Variants in PSMG4 observed in about 807,000 individuals in gnomAD.
PSMG4 encodes proteasome (prosome, macropain) assembly chaperone 4.
PSMG4 carries 10 observed loss-of-function variants against 11.0 expected under a neutral mutation model. That is an observed-to-expected ratio of 0.91 (90% CI 0.56 to 1.54). The LOEUF (loss-of-function observed/expected upper bound fraction) is 1.54. Ranked by LOEUF, PSMG4 falls within the 40% of genes most tolerant of loss-of-function variation. The probability of loss-of-function intolerance (pLI) is 0.00; values close to 1 mark genes in which losing one functional copy is unlikely to be tolerated. For synonymous variants in PSMG4, 95 were observed against 71.3 expected (o/e 1.33, Z -1.68); for missense variants, 198 against 160.9 (o/e 1.23, Z -1.25).
chr6:3,255,436 C>T (rs375900379), upstream of PSMG4, among the ~76,000 whole-genome samples: 2 of 130,920 alleles, frequency 1.5e-5, no homozygotes, highest in Admixed American at 1.7e-4. Context: ...CAGCCACATG[C>T]CCCTTCTCAG....
chr6:3,264,487 G>A, intron 2 of PSMG4: 1 of 1,317,628 alleles, frequency 7.6e-7, no homozygotes, highest in Non-Finnish European at 1.0e-6. Flanking sequence ...TACCTGACAA[G>A]CAGGAACCTC....
intron 2 of PSMG4, chr6:3,264,543 T>A: frequency 1.2e-6 from 1 of 814,050 alleles, no homozygotes; most frequent in African/African-American, 1.7e-5. Flanking sequence ...GCATGGCACC[T>A]GGCCCAGGGG....
chr6:3,257,300 C>T (rs1387918910), upstream of PSMG4, among the ~76,000 whole-genome samples: 1 of 152,068 alleles, frequency 6.6e-6, no homozygotes, highest in Non-Finnish European at 1.5e-5. Flanking sequence ...TGGCTGTGAC[C>T]CTCTGCCTGT....
chr6:3,261,752 G>A (rs147097649), intron 1 of PSMG4, among the ~76,000 whole-genome samples: 62 of 152,172 alleles, frequency 4.1e-4, no homozygotes, highest in Admixed American at 8.5e-4. Context: ...CCCGTGGGGC[G>A]GCCCTCCATC....
At chr6:3,255,159 T>A (rs184642645), upstream of PSMG4, 1 of 1,550,936 alleles carries the variant, frequency 6.4e-7, no homozygotes, top group Non-Finnish European at 8.7e-7. Flanking sequence ...AGCAGGGCCA[T>A]ACTGACGGCT....
At chr6:3,261,901 C>A (rs1298217063) in intron 1 of PSMG4, among the ~76,000 whole-genome samples, 1 of 152,204 alleles carries the variant, frequency 6.6e-6, no homozygotes, top group Non-Finnish European at 1.5e-5. Context: ...GAACTAGTTA[C>A]TATCTGGTCC....
chr6:3,256,742 G>C (rs1199084926), upstream of PSMG4, among the ~76,000 whole-genome samples: 1 of 152,256 alleles, frequency 6.6e-6, no homozygotes, highest in Non-Finnish European at 1.5e-5. Context: ...TGGCCCATCA[G>C]AGTTGTGAGT....
At position 3,259,130 on chromosome 6, in the gene PSMG4, G is replaced by T. The variant is rs1413331327; in HGVS notation, c.108G>T (p.Ser36=). The T allele has an allele frequency of 7.7e-7, 1 of 1,292,342 alleles. No individual in the cohort carries two copies. The highest frequency in any genetic ancestry group is 9.8e-7 in the Non-Finnish European group (1 of 1,019,124). The allele number at this position is 1,292,342 out of a possible 1,614,324, so 80.1% of individuals were successfully genotyped here. A position where few individuals can be genotyped will look rare whatever the true frequency, so the allele number is the denominator to read the frequency against. The change falls in exon 1 of 3, where the codon TCG becomes TCT. Residue 36 remains serine (S), a synonymous_variant. Coordinates refer to ENST00000438998, the MANE Select transcript of PSMG4 (RefSeq NM_001128591.2). ...TCCACGTCATGCGGCTGACGGACTCGCTGTTCCTGTGGGTGGGGGCCACGC... is the reference window on the plus strand; with the variant it reads ...TCCACGTCATGCGGCTGACGGACTCTCTGTTCCTGTGGGTGGGGGCCACGC... ...VHFHVMRLTD[S]LFLWVGATPH...
Position 3,258,986 on chromosome 6 carries a change from C to G in PSMG4, c.-37C>G, listed in dbSNP as rs905831483. Reference sequence around the variant, plus strand: ...GGCGGGGCTGGCAGCGGCGAGGACCCGGGTCTGGCGCTGTGGGCCGGGAGC... The same window carrying G: ...GGCGGGGCTGGCAGCGGCGAGGACCGGGGTCTGGCGCTGTGGGCCGGGAGC... On this transcript the variant is annotated 5_prime_UTR_variant, in exon 1 of 3. Transcript: ENST00000438998. 8 of 1,238,046 alleles carry G rather than the reference C, an allele frequency of 6.5e-6. No homozygotes were observed. The Admixed American group carries it at 2.1e-4, about 33-fold the overall frequency. The allele number at this position is 1,238,046 out of a possible 1,614,324, so 76.7% of individuals were successfully genotyped here.
In PSMG4 at chr6:3,267,632, C is replaced by G. The variant is rs1258864242; in HGVS notation, c.292C>G (p.Gln98Glu). Reference sequence around the variant, plus strand: ...ACAGGTGTTTGTCAGCTATAACCTTCAGAACACAGACAGTAACTTCGCATT... The same window carrying G: ...ACAGGTGTTTGTCAGCTATAACCTTGAGAACACAGACAGTAACTTCGCATT... Reference protein sequence around the residue: ...NKQVFVSYNLQNTDSNFALLV... With the variant: ...NKQVFVSYNLENTDSNFALLV... Residue 98 changes from glutamine to glutamate, a missense_variant, in exon 3 of 3, where the codon CAG becomes GAG. By Grantham distance (29) the Gln-to-Glu change is conservative (BLOSUM62 2). Coordinates refer to ENST00000438998, the MANE Select transcript of PSMG4 (RefSeq NM_001128591.2). 6.4e-7 allele frequency: 1 copy of G among 1,551,896 alleles called. No homozygotes were observed. Among genetic ancestry groups the G allele is most frequent in the Admixed American group, 2.0e-5 (1 of 50,982 alleles).
intron 1 of PSMG4, among the ~76,000 whole-genome samples, chr6:3,260,137 C>T (rs981902896): frequency 6.6e-6 from 1 of 151,730 alleles, no homozygotes; most frequent in Non-Finnish European, 1.5e-5. Context: ...GGGGGTCTCA[C>T]TATTTTGCCC....
rs893206420 is a variant in PSMG4 at position 3,259,179 on chromosome 6, G to A, written c.157G>A (p.Ala53Thr). The A allele has an allele frequency of 7.6e-7, 1 of 1,309,268 alleles. No homozygotes were observed. The highest frequency in any genetic ancestry group is 9.7e-7 in the Non-Finnish European group (1 of 1,030,352). The allele number at this position is 1,309,268 out of a possible 1,614,324, so 81.1% of individuals were successfully genotyped here. A position where few individuals can be genotyped will look rare whatever the true frequency, so the allele number is the denominator to read the frequency against. ...GCCGCACCTGCGCAACCTCGCCGTGGCCATGTGCAGCCGCTACGTGAGTGC... is the reference window on the plus strand; with the variant it reads ...GCCGCACCTGCGCAACCTCGCCGTGACCATGTGCAGCCGCTACGTGAGTGC... Reference protein sequence around the residue: ...ATPHLRNLAVAMCSRYDSIPV... With the variant: ...ATPHLRNLAVTMCSRYDSIPV... The change falls in exon 1 of 3, where the codon GCC (alanine) becomes ACC (threonine). Residue 53 changes from alanine (A) to threonine (T), a missense_variant. Transcript: ENST00000438998.
chr6:3,254,499 G>T (rs1384343247), upstream of PSMG4, among the ~76,000 whole-genome samples: 8 of 151,792 alleles, frequency 5.3e-5, no homozygotes, highest in Admixed American at 1.3e-4. Flanking sequence ...GTGGTTTTTT[G>T]TGTATGTGTT....
In PSMG4 at chr6:3,267,971, A is replaced by T; in HGVS notation, c.*259A>T. 1 of 337,174 alleles carries T rather than the reference A, an allele frequency of 3.0e-6. No homozygotes were observed. The highest frequency in any genetic ancestry group is 5.6e-6 in the Non-Finnish European group (1 of 179,486). 20.9% of individuals were successfully genotyped at this position (337,174 alleles called of 1,614,324 possible). On this transcript the variant is annotated 3_prime_UTR_variant, in exon 3 of 3. Transcript: ENST00000438998. ...GAAATGGGATTTTTGTTGGGATTGA[A>T]GACTGTAATCTAAGAGTTTCAATCA...
chr6:3,267,838 C>A lies in PSMG4; in HGVS notation c.*126C>A. 1 of 1,011,574 alleles carries A rather than the reference C, an allele frequency of 9.9e-7. No individual in the cohort carries two copies. Among genetic ancestry groups the A allele is most frequent in the Non-Finnish European group, 1.4e-6 (1 of 702,548 alleles). The allele number at this position is 1,011,574 out of a possible 1,614,324, so 62.7% of individuals were successfully genotyped here. A position where few individuals can be genotyped will look rare whatever the true frequency, so the allele number is the denominator to read the frequency against. On this transcript the variant is annotated 3_prime_UTR_variant, in exon 3 of 3. Coordinates refer to ENST00000438998, the MANE Select transcript of PSMG4 (RefSeq NM_001128591.2). ...TTTAAGGGGTTAATCTTTTGAGCTT[C>A]CTTCTCAGCAGTGTGTGGGCCAAAA... is the stretch of plus-strand genomic sequence containing the variant.
chr6:3,254,658 TC>T (rs766400963), upstream of PSMG4, among the ~76,000 whole-genome samples: 1 of 152,138 alleles, frequency 6.6e-6, no homozygotes, highest in Non-Finnish European at 1.5e-5. Flanking sequence ...ACAGCTTTGT[TC>T]CTTCAAGCTG....
At chr6:3,255,274 T>TA (rs1273728220), upstream of PSMG4, 13 of 1,542,624 alleles carry the variant, frequency 8.4e-6, no homozygotes, top group African/African-American at 5.5e-5. Context: ...ACGGCTGTCT[T>TA]ACGGGTCTAT....
chr6:3,260,366 A>T (rs968396200), intron 1 of PSMG4, among the ~76,000 whole-genome samples: 3 of 132,754 alleles, frequency 2.3e-5, no homozygotes, highest in Non-Finnish European at 4.6e-5. Context: ...ATCTTGGCTT[A>T]CTGCAACCTC....
upstream of PSMG4, among the ~76,000 whole-genome samples, chr6:3,256,037 A>G (rs893575261): frequency 3.3e-5 from 5 of 152,248 alleles, no homozygotes; most frequent in Non-Finnish European, 5.9e-5. Flanking sequence ...GTCAATTGCC[A>G]TCTTCCAGGA....
Sources: allele counts gnomAD v4.1 joint callset (sites outside exome capture counted in the v4.1 genomes callset), GRCh38; gene constraint gnomAD v4.1.1; transcripts MANE v1.5; gene names NCBI Gene and HGNC (gene_info 2026-07-23, HGNC 2026-07-21).